FNIP1: variants seen among roughly 807,000 people sequenced by gnomAD.
FNIP1 encodes folliculin interacting protein 1.
Under a neutral mutation model 124.5 loss-of-function variants are expected in FNIP1, and 40 were observed. That is an observed-to-expected ratio of 0.32 (90% CI 0.25 to 0.42). The LOEUF (loss-of-function observed/expected upper bound fraction) is 0.42, where lower values mean the gene tolerates loss of function less well. Among genes scored for constraint, FNIP1 ranks in the 10% least tolerant of loss-of-function variants. FNIP1 has a pLI of 1.00. For missense variants in FNIP1, 1,176 were observed against 1,403.7 expected (o/e 0.84, Z 2.59); for synonymous variants, 472 against 470.6 (o/e 1.00, Z -0.04).
At position 131,795,107 on chromosome 5, in the gene FNIP1, A is replaced by G. The variant is rs561371201; in HGVS notation, c.92+1723T>C. Among the ~76,000 whole-genome samples the G allele has an allele frequency of 3.3e-5, 5 of 152,306 alleles. No individual in the cohort carries two copies. The South Asian group carries it at 8.3e-4, about 25-fold the overall frequency. On this transcript the variant is annotated intron_variant, in intron 1 of 17. Coordinates refer to ENST00000510461, the MANE Select transcript of FNIP1 (RefSeq NM_133372.3). ...GGTTTTTTTTCCTTCAGATATGCCT[A>G]TTCTGTTTCATCAGTTTTCATTTCT...
chr5:131,737,834 A>C (rs932644037), intron 2 of FNIP1, among the ~76,000 whole-genome samples: 24 of 152,290 alleles, frequency 1.6e-4, no homozygotes, highest in Non-Finnish European at 2.4e-4. Flanking sequence ...TCTTAGTTCC[A>C]TGAGGAAAAG....
chr5:131,652,189 C>T (rs1452601382), intron 15 of FNIP1, among the ~76,000 whole-genome samples, 190 bp from the exon 16 acceptor site: 3 of 152,148 alleles, frequency 2.0e-5, no homozygotes, highest in African/African-American at 4.8e-5. Context: ...TAGATATCAT[C>T]GTAGATTGAG....
intron 17 of FNIP1, among the ~76,000 whole-genome samples, chr5:131,646,820 A>C (rs1055298557): frequency 9.9e-5 from 15 of 152,218 alleles, no homozygotes; most frequent in Admixed American, 7.9e-4. Context: ...ATGAGTATGT[A>C]CTTATGTTTC....
At chr5:131,764,194 C>A (rs1182162241) in intron 1 of FNIP1, among the ~76,000 whole-genome samples, 1 of 152,024 alleles carries the variant, frequency 6.6e-6, no homozygotes. Context: ...CAGATGCCAG[C>A]ATTATGCTTC....
At chr5:131,744,176 C>G (rs1363707647) in intron 2 of FNIP1, among the ~76,000 whole-genome samples, 1 of 147,272 alleles carries the variant, frequency 6.8e-6, no homozygotes, top group East Asian at 2.0e-4. Context: ...AGGATACTAT[C>G]AAATACAAAA....
In FNIP1 at chr5:131,642,329, G is replaced by C. The variant is rs1336918373; in HGVS notation, c.*2356C>G. On this transcript the variant is annotated 3_prime_UTR_variant, in exon 18 of 18. Coordinates refer to ENST00000510461, the MANE Select transcript of FNIP1 (RefSeq NM_133372.3). ...TAGGAATTACAAAACTCAGGAATGG[G>C]AAGCAGTGGGGAGGAACAAAACAGT... 3 of 152,606 alleles carry C rather than the reference G, an allele frequency of 2.0e-5. No homozygotes were observed. The highest frequency in any genetic ancestry group is 4.4e-5 in the Non-Finnish European group (3 of 68,038). 9.5% of individuals were successfully genotyped at this position (152,606 alleles called of 1,614,324 possible). A position where few individuals can be genotyped will look rare whatever the true frequency, so the allele number is the denominator to read the frequency against.
intron 1 of FNIP1, among the ~76,000 whole-genome samples, chr5:131,758,952 T>C (rs1025972319): frequency 3.3e-5 from 5 of 151,898 alleles, no homozygotes; most frequent in Admixed American, 2.6e-4. Flanking sequence ...CATAGGCAAA[T>C]ACACAGCATA....
chr5:131,787,626 G>C (rs1294699322), intron 1 of FNIP1, among the ~76,000 whole-genome samples: 1 of 152,138 alleles, frequency 6.6e-6, no homozygotes, highest in African/African-American at 2.4e-5. Context: ...TAATTTCTCT[G>C]TGCCTGTTTC....
chr5:131,714,954 A>T (rs1769416674), intron 6 of FNIP1, among the ~76,000 whole-genome samples: 1 of 152,210 alleles, frequency 6.6e-6, no homozygotes, highest in African/African-American at 2.4e-5. Context: ...CTCACCACAT[A>T]CTTATTGATT....
intron 2 of FNIP1, among the ~76,000 whole-genome samples, chr5:131,735,283 G>A (rs1393283498): frequency 1.3e-5 from 2 of 151,976 alleles, no homozygotes; most frequent in African/African-American, 4.8e-5. Flanking sequence ...CACACGAAGG[G>A]GAACATCACA....
At chr5:131,765,134 A>G (rs1473334349) in intron 1 of FNIP1, among the ~76,000 whole-genome samples, 3 of 152,116 alleles carry the variant, frequency 2.0e-5, no homozygotes, top group Non-Finnish European at 2.9e-5. Flanking sequence ...AGGTAAGATG[A>G]TCACTTGAGC....
At chr5:131,792,310 G>A (rs557647914) in intron 1 of FNIP1, among the ~76,000 whole-genome samples, 6 of 152,030 alleles carry the variant, frequency 3.9e-5, no homozygotes, top group African/African-American at 1.2e-4. Flanking sequence ...ACAGGCGCCC[G>A]CCACCACACC....
Position 131,732,245 on chromosome 5 carries a change from C to A in FNIP1, c.220-1207G>T, listed in dbSNP as rs553350200. Among the ~76,000 whole-genome samples, 45 of 152,258 alleles carry A rather than the reference C, an allele frequency of 3.0e-4. No individual in the cohort carries two copies. In the South Asian group the frequency reaches 9.1e-3, roughly 31 times the overall value. On this transcript the variant is annotated intron_variant, in intron 2 of 17. Coordinates refer to ENST00000510461, the MANE Select transcript of FNIP1 (RefSeq NM_133372.3). The stretch of plus-strand genomic sequence containing the variant: ...TTAGAACAAATAATCTGACTAAAGT[C>A]ACATTTACTGAAGACTGAATGTTTT...
At chr5:131,789,626 C>A in intron 1 of FNIP1, among the ~76,000 whole-genome samples, 1 of 152,184 alleles carries the variant, frequency 6.6e-6, no homozygotes, top group East Asian at 1.9e-4. Flanking sequence ...CAATTTCCTC[C>A]ATCTTGACTA....
intron 1 of FNIP1, among the ~76,000 whole-genome samples, chr5:131,762,457 C>T (rs1771263061): frequency 6.6e-6 from 1 of 152,122 alleles, no homozygotes; most frequent in Non-Finnish European, 1.5e-5. Flanking sequence ...AGACATTTCT[C>T]AAAAGAAGAC....
At chr5:131,647,553 A>G (rs1467620190) in intron 16 of FNIP1, among the ~76,000 whole-genome samples, 2 of 152,002 alleles carry the variant, frequency 1.3e-5, no homozygotes, top group African/African-American at 2.4e-5. Context: ...AGCTCACTGC[A>G]ACTTCCGCCT....
At chr5:131,729,760 T>C (rs1770014107) in intron 3 of FNIP1, among the ~76,000 whole-genome samples, 1 of 151,784 alleles carries the variant, frequency 6.6e-6, no homozygotes, top group African/African-American at 2.4e-5. Context: ...TTTTTCTTTT[T>C]TTGAGACAGA....
At chr5:131,790,165 G>C (rs1336119191) in intron 1 of FNIP1, among the ~76,000 whole-genome samples, 1 of 152,172 alleles carries the variant, frequency 6.6e-6, no homozygotes, top group Non-Finnish European at 1.5e-5. Context: ...GAACTTGGGG[G>C]AGACAAATTA....
Position 131,671,486 on chromosome 5 carries a change from G to C in FNIP1, c.2939+19C>G, listed in dbSNP as rs1343116827. ...CATATTTATATAGGGCCCATTATAG[G>C]TGAAAACTTCCTACTTACCCAGGAA... On this transcript the variant is annotated intron_variant, in intron 14 of 17. Coordinates refer to ENST00000510461, the MANE Select transcript of FNIP1 (RefSeq NM_133372.3). 1 of 1,584,178 alleles carries C rather than the reference G, an allele frequency of 6.3e-7. No homozygotes were observed. Among genetic ancestry groups the C allele is most frequent in the South Asian group, 1.1e-5 (1 of 88,334 alleles).
Sources: allele counts gnomAD v4.1 joint callset (sites outside exome capture counted in the v4.1 genomes callset), GRCh38; gene constraint gnomAD v4.1.1; transcripts MANE v1.5; gene names NCBI Gene and HGNC (gene_info 2026-07-23, HGNC 2026-07-21).